Variants in RNLS observed in about 807,000 individuals in gnomAD.
RNLS encodes renalase, FAD dependent amine oxidase.
In RNLS, 39 loss-of-function variants were observed where a neutral mutation model predicts 39.8. The ratio of observed to expected loss-of-function variants is 0.98; its 90% CI spans 0.76 to 1.28. RNLS has a LOEUF of 1.28. Ranked by LOEUF, RNLS falls within the 50% of genes most tolerant of loss-of-function variation. The probability of loss-of-function intolerance (pLI) is 0.00; values close to 1 mark genes in which losing one functional copy is unlikely to be tolerated. For missense variants in RNLS, 410 were observed against 413.3 expected, an observed-to-expected ratio of 0.99 and a Z score of 0.07; for synonymous variants, 147 against 150.7, an observed-to-expected ratio of 0.98 and a Z score of 0.18.
Position 88,310,824 on chromosome 10 carries a change from A to AAAAAAAAAAAAAAAAAAG in RNLS, c.876+3641_876+3642insCTTTTTTTTTTTTTTTTT, listed in dbSNP as rs1217903555. Among the ~76,000 whole-genome samples the AAAAAAAAAAAAAAAAAAG allele has an allele frequency of 2.1e-3, 239 of 113,344 alleles. 8 individuals carry two copies. Among genetic ancestry groups the AAAAAAAAAAAAAAAAAAG allele is most frequent in the South Asian group, 8.7e-3 (27 of 3,086 alleles). The allele number at this position is 113,344 out of a possible 152,430, so 74.4% of individuals were successfully genotyped here. A position where few individuals can be genotyped will look rare whatever the true frequency, so the allele number is the denominator to read the frequency against. On this transcript the variant is annotated intron_variant, in intron 6 of 6. Transcript: ENST00000331772. ...GCCAAAAAAAAAAAAAAAAAAAAAA[A>AAAAAAAAAAAAAAAAAAG]AAAGAAAGAAAAGGAAGAGAAAAGG...
chr10:88,484,531 G>C (rs1250421630), intron 4 of RNLS, among the ~76,000 whole-genome samples: 1 of 151,864 alleles, frequency 6.6e-6, no homozygotes, highest in African/African-American at 2.4e-5. Context: ...ATAACAAGGG[G>C]AAAAAGAACT....
intron 6 of RNLS, among the ~76,000 whole-genome samples, chr10:88,303,699 A>C (rs1486871914): frequency 6.6e-6 from 1 of 152,040 alleles, no homozygotes; most frequent in Admixed American, 6.6e-5. Context: ...CTTGATGGGC[A>C]CAAAACCAGC....
intron 5 of RNLS, among the ~76,000 whole-genome samples, chr10:88,336,185 T>C (rs913821233): frequency 6.6e-6 from 1 of 152,224 alleles, no homozygotes. Flanking sequence ...TTTCTATCAT[T>C]GAGGTGGAAA....
At chr10:88,483,721 G>C (rs1196601553) in intron 4 of RNLS, among the ~76,000 whole-genome samples, 1 of 151,134 alleles carries the variant, frequency 6.6e-6, no homozygotes, top group Non-Finnish European at 1.5e-5. Context: ...GCTATATTTT[G>C]TTCACACTTC....
At chr10:88,257,625 TGGG>T in the RNLS span, among the ~76,000 whole-genome samples, 1 of 152,182 alleles carries the variant, frequency 6.6e-6, no homozygotes, top group African/African-American at 2.4e-5. Flanking sequence ...ATGGTCAGGC[TGGG>T]AGACCTATAG....
At chr10:88,569,297 C>A (rs988419751) in intron 4 of RNLS, among the ~76,000 whole-genome samples, 1 of 143,490 alleles carries the variant, frequency 7.0e-6, no homozygotes, top group East Asian at 2.1e-4. Context: ...GGAAAGTATT[C>A]CAATTTAAAA....
intron 3 of RNLS, among the ~76,000 whole-genome samples, chr10:88,576,392 T>C (rs1312983001): frequency 6.6e-6 from 1 of 152,234 alleles, no homozygotes; most frequent in Non-Finnish European, 1.5e-5. Context: ...AATGTGTTTC[T>C]GTTATATATT....
intron 4 of RNLS, among the ~76,000 whole-genome samples, chr10:88,512,608 AAGAC>A (rs1263416266): frequency 1.3e-5 from 2 of 152,132 alleles, no homozygotes; most frequent in African/African-American, 4.8e-5. Flanking sequence ...AAGTATCTGT[AAGAC>A]AGAGTACACA....
chr10:88,545,880 G>C (rs150542247), intron 4 of RNLS, among the ~76,000 whole-genome samples: 2 of 152,166 alleles, frequency 1.3e-5, no homozygotes, highest in East Asian at 3.9e-4. Context: ...ACTTTAAATG[G>C]AAATTCTAAG....
chr10:88,240,879 T>C, the RNLS span, among the ~76,000 whole-genome samples: 1 of 152,076 alleles, frequency 6.6e-6, no homozygotes, highest in Non-Finnish European at 1.5e-5. Flanking sequence ...CATGGAGCTA[T>C]GATTTAAACC....
the RNLS span, among the ~76,000 whole-genome samples, chr10:88,189,451 G>A: frequency 1.3e-5 from 2 of 151,890 alleles, no homozygotes; most frequent in Admixed American, 1.3e-4. Context: ...CTTATCGTGG[G>A]GTTTAACCAG....
intron 4 of RNLS, among the ~76,000 whole-genome samples, chr10:88,531,849 T>C (rs187398593): frequency 3.6e-4 from 55 of 152,126 alleles, no homozygotes; most frequent in Admixed American, 9.2e-4. Flanking sequence ...TACCTTTAAC[T>C]TGAAAAAGGA....
At chr10:88,251,925 C>T in the RNLS span, among the ~76,000 whole-genome samples, 1 of 152,274 alleles carries the variant, frequency 6.6e-6, no homozygotes, top group African/African-American at 2.4e-5. Flanking sequence ...TCCAATGGTG[C>T]ACCACACCAC....
intron 4 of RNLS, among the ~76,000 whole-genome samples, chr10:88,434,455 A>C (rs976604073): frequency 3.3e-5 from 5 of 152,150 alleles, no homozygotes; most frequent in African/African-American, 1.2e-4. Flanking sequence ...TTTGGTACCC[A>C]GAGTTCTTAT....
intron 4 of RNLS, among the ~76,000 whole-genome samples, chr10:88,513,557 A>T (rs1846257174): frequency 6.6e-6 from 1 of 152,102 alleles, no homozygotes; most frequent in African/African-American, 2.4e-5. Flanking sequence ...AATCCATTGT[A>T]ATTTTTTATT....
intron 5 of RNLS, among the ~76,000 whole-genome samples, chr10:88,329,669 T>C (rs10887804): frequency 0.39 from 59,865 of 151,802 alleles, 12,115 homozygotes; most frequent in East Asian, 0.51. Context: ...CTTCACATAT[T>C]TTGATCTATT....
chr10:88,355,240 T>G (rs1849062282), intron 5 of RNLS, among the ~76,000 whole-genome samples: 1 of 152,214 alleles, frequency 6.6e-6, no homozygotes, highest in Non-Finnish European at 1.5e-5. Context: ...TGTCCTGTTT[T>G]GTTCCGTTGC....
intron 4 of RNLS, among the ~76,000 whole-genome samples, chr10:88,420,064 GAATA>G (rs35962923): frequency 0.32 from 38,344 of 121,112 alleles, 5,830 homozygotes; most frequent in African/African-American, 0.43. Flanking sequence ...ATAAATGAAT[GAATA>G]AATAAATAAA....
chr10:88,274,207 G>A (rs1282597287), exon 7 of RNLS: 1 of 152,086 alleles, frequency 6.6e-6, no homozygotes, highest in Non-Finnish European at 1.5e-5. Context: ...TAACATAAAA[G>A]TGATGATTTT....
Sources: gnomAD v4.1 joint callset for allele counts (sites outside exome capture counted in the v4.1 genomes callset) on GRCh38, gnomAD v4.1.1 for gene constraint, MANE v1.5 for transcripts, NCBI Gene and HGNC (gene_info 2026-07-23, HGNC 2026-07-21) for gene names.